AHCTF1: variants seen among roughly 807,000 people sequenced by gnomAD.
AHCTF1 encodes the protein AT-hook containing transcription factor 1.
AHCTF1 carries 24 observed loss-of-function variants against 248.4 expected under a neutral mutation model. That is an observed-to-expected ratio of 0.10 (90% CI 0.07 to 0.14). The LOEUF is 0.14. Ranked by LOEUF, AHCTF1 falls within the 10% of genes least tolerant of loss-of-function variation. The probability of loss-of-function intolerance (pLI) is 1.00; values close to 1 mark genes in which losing one functional copy is unlikely to be tolerated. For missense variants in AHCTF1, 2,206 were observed against 2,636.2 expected, an observed-to-expected ratio of 0.84 and a Z score of 3.57; for synonymous variants, 786 against 929.8, an observed-to-expected ratio of 0.85 and a Z score of 2.81.
chr1:246,897,818 C>G (rs1353431271), intron 12 of AHCTF1, among the ~76,000 whole-genome samples: 3 of 141,820 alleles, frequency 2.1e-5, no homozygotes, highest in Non-Finnish European at 4.7e-5. Context: ...CTGTCTCTAC[C>G]AAAAAAAAAA....
Position 246,931,003 on chromosome 1 carries a change from A to G in AHCTF1, c.-8+575T>C, listed in dbSNP as rs2103270086. On this transcript the variant is annotated intron_variant, in intron 1 of 35. Transcript: ENST00000648844. ...GAAACCGTCCTGTTTCCCAGGTAGG[A>G]AAAAGGAAGGCAAAGCACCCCAAGA... The G allele has an allele frequency of 5.2e-6, 7 of 1,340,938 alleles. No individual in the cohort carries two copies. In the South Asian group the frequency reaches 1.2e-4, roughly 22 times the overall value. The allele number at this position is 1,340,938 out of a possible 1,614,324, so 83.1% of individuals were successfully genotyped here.
At chr1:246,903,121 G>A (rs1232875879) in intron 7 of AHCTF1, among the ~76,000 whole-genome samples, 1 of 152,120 alleles carries the variant, frequency 6.6e-6, no homozygotes, top group Admixed American at 6.6e-5. Context: ...ATAATTCAGG[G>A]CCTTTACTGA....
chr1:246,914,354 A>G (rs971880660), intron 3 of AHCTF1, among the ~76,000 whole-genome samples: 3 of 152,230 alleles, frequency 2.0e-5, no homozygotes, highest in African/African-American at 7.2e-5. Flanking sequence ...TTCTGGCAAG[A>G]AAAGAAAATA....
chr1:246,867,936 T>C, intron 24 of AHCTF1, 125 bp from the exon 25 acceptor site: 1 of 381,334 alleles, frequency 2.6e-6, no homozygotes, highest in East Asian at 6.1e-5. Context: ...GTGGTAATAC[T>C]AGCTAAAAAT....
At chr1:246,868,974 AGCTGGGACTACAGG>A (rs1268576656) in intron 24 of AHCTF1, among the ~76,000 whole-genome samples, 1 of 142,354 alleles carries the variant, frequency 7.0e-6, no homozygotes, top group Non-Finnish European at 1.5e-5. Flanking sequence ...CCTGCTGAGT[AGCTGGGACTACAGG>A]CGCCCGCCAC....
In AHCTF1 at chr1:246,898,248, G is replaced by A; in HGVS notation, c.1583C>T (p.Ser528Phe). The A allele has an allele frequency of 6.2e-7, 1 of 1,612,352 alleles. No individual in the cohort carries two copies. Among genetic ancestry groups the A allele is most frequent in the Non-Finnish European group, 8.5e-7 (1 of 1,179,994 alleles). Residue 528 changes from serine (S) to phenylalanine (F), a missense_variant, in exon 12 of 36, where the codon TCC (serine) becomes TTC (phenylalanine). By Grantham distance (155) the Ser-to-Phe change is radical (BLOSUM62 -2). Transcript: ENST00000648844. ...AGGCTGAACATCAACAAATCTTGGG[G>A]AAAGAAGGCCAGCTACAAGACATCG... ...YNRCLVAGLL[S>F]PRFVDVQPSS... is the part of the protein sequence containing the mutation.
intron 32 of AHCTF1, among the ~76,000 whole-genome samples, chr1:246,852,377 TG>T (rs1386251762): frequency 2.1e-5 from 2 of 94,374 alleles, no homozygotes; most frequent in African/African-American, 6.4e-5. Flanking sequence ...TTAGAAGAGT[TG>T]GTTTTTTATC....
intron 10 of AHCTF1, 106 bp from the exon 11 acceptor site, chr1:246,899,618 A>G (rs1664852815): frequency 5.5e-6 from 4 of 733,658 alleles, no homozygotes; most frequent in Non-Finnish European, 8.8e-6. Context: ...TCAAATTATT[A>G]CATGTAATAA....
At chr1:246,895,671 T>C (rs1344948514) in intron 13 of AHCTF1, among the ~76,000 whole-genome samples, 164 bp downstream of exon 13, 1 of 152,162 alleles carries the variant, frequency 6.6e-6, no homozygotes, top group Non-Finnish European at 1.5e-5. Flanking sequence ...CATCATACTG[T>C]GGGCAAACGT....
intron 1 of AHCTF1, among the ~76,000 whole-genome samples, chr1:246,927,170 T>C (rs1666991582): frequency 6.8e-6 from 1 of 147,112 alleles, no homozygotes; most frequent in Non-Finnish European, 1.5e-5. Context: ...AGAGCGAGAC[T>C]CTGTCTCAAA....
intron 24 of AHCTF1, among the ~76,000 whole-genome samples, chr1:246,869,645 G>A (rs1032966210): frequency 3.3e-5 from 5 of 151,664 alleles, no homozygotes; most frequent in Admixed American, 6.6e-5. Flanking sequence ...AAAAAGCCTA[G>A]ATGAAAACAC....
At position 246,850,695 on chromosome 1, in the gene AHCTF1, A is replaced by C; in HGVS notation, c.5311T>G (p.Ser1771Ala). ...DVATPKMPGQ[S>A]VRKKTRKAKE... is the part of the protein sequence containing the mutation. ...GCCTTCCTAGTTTTCTTCCTGACTG[A>C]CTGCCCTGGCATCTTAGGAGTAGCA... The change falls in exon 33 of 36, where the codon TCA becomes GCA. Residue 1771 changes from serine (S) to alanine (A), a missense_variant. This residue lies in a region of AHCTF1 where 955 missense variants were observed against 1,055.6 expected (regional missense o/e 0.90). Transcript: ENST00000648844. 6.2e-7 allele frequency: 1 copy of C among 1,613,982 alleles called. No homozygotes were observed. The highest frequency in any genetic ancestry group is 2.2e-5 in the East Asian group (1 of 44,882).
rs1438045718 is a variant in AHCTF1 at position 246,891,845 on chromosome 1, G to A, written c.1879C>T (p.Leu627Phe). The A allele has an allele frequency of 6.8e-6, 11 of 1,606,356 alleles. No individual in the cohort carries two copies. ...TIQSIQQCYL[L>F]LSNLNIVLSC... ...AAGACTATATTAAGATTGCTAAGAAGCAAATAGCATTGCTGGATAGACTGT... is the reference window on the plus strand; with the variant it reads ...AAGACTATATTAAGATTGCTAAGAAACAAATAGCATTGCTGGATAGACTGT... Residue 627 changes from leucine to phenylalanine, a missense_variant, in exon 15 of 36, where the codon CTT becomes TTT. Coordinates refer to ENST00000648844, the MANE Select transcript of AHCTF1 (RefSeq NM_001323342.2).
intron 1 of AHCTF1, 54 bp downstream of exon 1, chr1:246,931,524 G>C (rs1667362233): frequency 2.8e-6 from 1 of 361,184 alleles, no homozygotes; most frequent in South Asian, 1.0e-4. Flanking sequence ...GGTCCAGGCC[G>C]CGCGACCCGC....
intron 29 of AHCTF1, among the ~76,000 whole-genome samples, chr1:246,859,430 C>T (rs1189443423): frequency 2.0e-5 from 3 of 152,168 alleles, no homozygotes; most frequent in African/African-American, 7.2e-5. Flanking sequence ...CAGTATAGTC[C>T]ACCATGCTCT....
chr1:246,923,108 CAAAAAA>C (rs34474643), intron 1 of AHCTF1, among the ~76,000 whole-genome samples: 40 of 111,886 alleles, frequency 3.6e-4, no homozygotes, highest in Admixed American at 5.4e-4. Context: ...CAAATAATAC[CAAAAAA>C]AAAAAAAAAA....
Position 246,849,713 on chromosome 1 carries a change from C to T in AHCTF1, c.6293G>A (p.Arg2098Lys), listed in dbSNP as rs749215652. The T allele has an allele frequency of 6.2e-7, 1 of 1,614,008 alleles. No individual in the cohort carries two copies. The highest frequency in any genetic ancestry group is 8.5e-7 in the Non-Finnish European group (1 of 1,179,874). The change falls in exon 33 of 36, where the codon AGG becomes AAG. Residue 2098 changes from arginine to lysine, a missense_variant. Physicochemically the swap from Arg to Lys is conservative, Grantham distance 26. Around this residue, in one of 6 missense-constraint regions of AHCTF1, gnomAD observed 469 missense variants for 470.0 expected, o/e 1.00. Coordinates refer to ENST00000648844, the MANE Select transcript of AHCTF1 (RefSeq NM_001323342.2). ...CAAGATGGCCTTGCTAGACCGAGTC[C>T]TGCTGCTGCGGGATGATTTAGTGAA... ...ASFTKSSRSS[R>K]TRSSKAILLP...
At chr1:246,892,200 AT>A (rs1471656649) in intron 14 of AHCTF1, among the ~76,000 whole-genome samples, 2 of 151,994 alleles carry the variant, frequency 1.3e-5, no homozygotes, top group African/African-American at 2.4e-5. Flanking sequence ...ATTTACTTTA[AT>A]GACACATTTA....
intron 27 of AHCTF1, among the ~76,000 whole-genome samples, chr1:246,863,236 A>G (rs976861207): frequency 2.6e-5 from 4 of 152,152 alleles, no homozygotes; most frequent in Non-Finnish European, 4.4e-5. Flanking sequence ...CTTGAAAAAT[A>G]AGGATTCCCT....
Sources: allele counts gnomAD v4.1 joint callset (sites outside exome capture counted in the v4.1 genomes callset), GRCh38; gene constraint gnomAD v4.1.1; regional missense constraint gnomAD v4.1.1; transcripts MANE v1.5; gene names NCBI Gene and HGNC (gene_info 2026-07-23, HGNC 2026-07-21).